The following RNF38 variants were observed in gnomAD, a reference collection of about 807,000 sequenced individuals.
The protein encoded by RNF38 is E3 ubiquitin-protein ligase RNF38.
In RNF38, 15 loss-of-function variants were observed where a neutral mutation model predicts 67.2. That is an observed-to-expected ratio of 0.22 (90% CI 0.15 to 0.34). RNF38 has a LOEUF of 0.34. Among genes scored for constraint, RNF38 ranks in the 10% least tolerant of loss-of-function variants. The pLI is 1.00. For synonymous variants in RNF38, 220 were observed against 218.8 expected (o/e 1.01, Z -0.05); for missense variants, 524 against 639.9 (o/e 0.82, Z 1.95).
intron 1 of RNF38, among the ~76,000 whole-genome samples, chr9:36,394,347 C>T (rs1433169782): frequency 6.6e-6 from 1 of 151,972 alleles, no homozygotes; most frequent in East Asian, 1.9e-4. Flanking sequence ...AACCCCATAC[C>T]AGGACTCCTG....
At chr9:36,370,522 T>A (rs568318242) in intron 3 of RNF38, among the ~76,000 whole-genome samples, 119 of 152,324 alleles carry the variant, frequency 7.8e-4, no homozygotes, top group African/African-American at 2.8e-3. Context: ...AGTATCAACA[T>A]AAATATTCCA....
intron 1 of RNF38, among the ~76,000 whole-genome samples, chr9:36,438,314 T>C (rs772926031): frequency 4.6e-5 from 7 of 152,126 alleles, no homozygotes; most frequent in Non-Finnish European, 8.8e-5. Flanking sequence ...TAAATAAGCT[T>C]GTCCAACCCG....
At chr9:36,419,133 A>G (rs1171128494) in intron 2 of RNF38, among the ~76,000 whole-genome samples, 1 of 152,242 alleles carries the variant, frequency 6.6e-6, no homozygotes, top group Non-Finnish European at 1.5e-5. Flanking sequence ...GAAGTACTCA[A>G]TGGAACATTT....
At chr9:36,451,489 TAG>T (rs1839439726) in intron 1 of RNF38, among the ~76,000 whole-genome samples, 1 of 122,078 alleles carries the variant, frequency 8.2e-6, no homozygotes, top group Non-Finnish European at 1.7e-5. Context: ...AAAATTGTAG[TAG>T]TTTTTTTTTT....
chr9:36,435,504 T>C (rs1221226192), intron 1 of RNF38, among the ~76,000 whole-genome samples: 1 of 152,168 alleles, frequency 6.6e-6, no homozygotes, highest in Non-Finnish European at 1.5e-5. Context: ...ATATAGTTGT[T>C]TGAATAACAG....
intron 5 of RNF38, among the ~76,000 whole-genome samples, chr9:36,356,729 A>G (rs1258787301): frequency 2.3e-5 from 3 of 132,328 alleles, no homozygotes; most frequent in Non-Finnish European, 4.8e-5. Flanking sequence ...CATCTATGAA[A>G]AAGGGTTGGG....
chr9:36,475,255 T>G (rs1239009780), intron 1 of RNF38, among the ~76,000 whole-genome samples: 2 of 152,292 alleles, frequency 1.3e-5, no homozygotes, highest in East Asian at 3.9e-4. Context: ...ATTGAACTGA[T>G]GCATATCTGA....
In RNF38 at chr9:36,356,410, A is replaced by G. The variant is rs952591587; in HGVS notation, c.802T>C (p.Ser268Pro). 4 of 1,613,810 alleles carry G rather than the reference A, an allele frequency of 2.5e-6. No individual in the cohort carries two copies. The African/African-American group carries it at 5.3e-5, about 22-fold the overall frequency. The change falls in exon 6 of 12, where the codon TCT (serine) becomes CCT (proline). Residue 268 changes from serine (S) to proline (P), a missense_variant. Transcript: ENST00000259605. Reference protein sequence around the residue: ...VPYAAFPPLISSDPFLIHPPH... With the variant: ...VPYAAFPPLIPSDPFLIHPPH... ...GGATGTATAAGAAATGGATCACTAG[A>G]AATAAGGGGTGGGAATGCAGCATAT...
chr9:36,337,696 CTGATTATTATGCCAA>C lies in RNF38; in HGVS notation c.*2041_*2055del, dbSNP rs1451624642. 1 of 152,446 alleles carries C rather than the reference CTGATTATTATGCCAA, an allele frequency of 6.6e-6. No individual in the cohort carries two copies. Among genetic ancestry groups the C allele is most frequent in the African/African-American group, 2.4e-5 (1 of 41,376 alleles). 9.4% of individuals were successfully genotyped at this position (152,446 alleles called of 1,614,324 possible). ...TAAACTATATGTGATTTGTATGTAGCTGATTATTATGCCAAGAATTTTGGTCTTTAACACACTTTT... is the reference window on the plus strand; with the variant it reads ...TAAACTATATGTGATTTGTATGTAGCGAATTTTGGTCTTTAACACACTTTT... On this transcript the variant is annotated 3_prime_UTR_variant, in exon 12 of 12. Transcript: ENST00000259605.
chr9:36,403,295 A>G (rs748682703), upstream of RNF38, among the ~76,000 whole-genome samples: 2 of 152,264 alleles, frequency 1.3e-5, no homozygotes, highest in Non-Finnish European at 2.9e-5. Context: ...GTCCCACTGC[A>G]GAACTAATAG....
At chr9:36,479,954 TTTCTC>T (rs1392656540) in intron 1 of RNF38, among the ~76,000 whole-genome samples, 1 of 152,010 alleles carries the variant, frequency 6.6e-6, no homozygotes, top group Non-Finnish European at 1.5e-5. Flanking sequence ...AGTTCCAACT[TTTCTC>T]TATCTGTAAA....
At chr9:36,444,919 C>CT (rs34369319) in intron 1 of RNF38, among the ~76,000 whole-genome samples, 112,224 of 133,416 alleles carry the variant, frequency 0.84, 47,728 homozygotes, top group Non-Finnish European at 0.9. Context: ...GAGCCATTCT[C>CT]TTTTTTTTTT....
chr9:36,351,226 T>TATCAATGCTAGTG, intron 8 of RNF38, 27 bp from the exon 9 acceptor site: 10 of 1,504,424 alleles, frequency 6.6e-6, no homozygotes, highest in Non-Finnish European at 8.3e-6. Flanking sequence ...CACACTAGCA[T>TATCAATGCTAGTG]TGATATGTTA....
chr9:36,357,633 CAA>C (rs1397082382), intron 5 of RNF38, 140 bp downstream of exon 5: 3 of 530,250 alleles, frequency 5.7e-6, no homozygotes, highest in Non-Finnish European at 9.6e-6. Context: ...AGTGAAACTA[CAA>C]AGACAGTCTC....
chr9:36,368,910 T>G (rs1835169359), intron 4 of RNF38, among the ~76,000 whole-genome samples: 1 of 151,798 alleles, frequency 6.6e-6, no homozygotes, highest in Non-Finnish European at 1.5e-5. Flanking sequence ...CCTCAGAAAC[T>G]CCACAGAAAA....
intron 4 of RNF38, among the ~76,000 whole-genome samples, chr9:36,365,099 A>G (rs1446744792): frequency 6.6e-6 from 1 of 152,218 alleles, no homozygotes; most frequent in Non-Finnish European, 1.5e-5. Context: ...ATGGCTGTAG[A>G]CAATTTCAGG....
intron 1 of RNF38, among the ~76,000 whole-genome samples, chr9:36,425,984 C>T (rs1240897715): frequency 4.6e-5 from 7 of 152,152 alleles, no homozygotes; most frequent in Non-Finnish European, 8.8e-5. Context: ...GCGTGAGCCA[C>T]CCACCTGGCC....
chr9:36,455,249 C>T (rs190680764), intron 1 of RNF38, among the ~76,000 whole-genome samples: 89 of 151,722 alleles, frequency 5.9e-4, no homozygotes, highest in African/African-American at 1.8e-3. Flanking sequence ...TTAGTAGAGA[C>T]GGGCATTTCA....
intron 1 of RNF38, among the ~76,000 whole-genome samples, chr9:36,425,025 A>G (rs1313574415): frequency 1.3e-5 from 2 of 152,366 alleles, no homozygotes; most frequent in African/African-American, 4.8e-5. Flanking sequence ...ATTTATGAGG[A>G]AAAATATTAC....
Sources: gnomAD v4.1 joint callset for allele counts (sites outside exome capture counted in the v4.1 genomes callset) on GRCh38, gnomAD v4.1.1 for gene constraint, MANE v1.5 for transcripts, NCBI Gene and HGNC (gene_info 2026-07-23, HGNC 2026-07-21) for gene names.